Variants in TRPV1 observed in about 807,000 individuals in gnomAD.
The protein encoded by TRPV1 is transient receptor potential cation channel subfamily V member 1.
In TRPV1, 82 loss-of-function variants were observed where a neutral mutation model predicts 82.3. The ratio of observed to expected loss-of-function variants is 1.00; its 90% confidence interval spans 0.83 to 1.20. The LOEUF (loss-of-function observed/expected upper bound fraction) is 1.20, where lower values mean the gene tolerates loss of function less well. Ranked by LOEUF, TRPV1 falls within the 50% of genes most tolerant of loss-of-function variation. The probability of loss-of-function intolerance (pLI) is 0.00; values close to 1 mark genes in which losing one functional copy is unlikely to be tolerated. For synonymous variants in TRPV1, 515 were observed against 467.7 expected, an observed-to-expected ratio of 1.10 and a Z score of -1.30; for missense variants, 1,067 against 1,096.8, an observed-to-expected ratio of 0.97 and a Z score of 0.38.
At chr17:3,580,929 A>G (rs1258892890) in intron 10 of TRPV1, among the ~76,000 whole-genome samples, 1 of 151,906 alleles carries the variant, frequency 6.6e-6, no homozygotes, top group Admixed American at 6.6e-5. Context: ...TGAGGCAAGA[A>G]AATCGCTTGA....
At chr17:3,590,889 G>A in intron 5 of TRPV1, 75 bp downstream of exon 5, 1 of 1,474,424 alleles carries the variant, frequency 6.8e-7, no homozygotes, top group South Asian at 1.4e-5. Context: ...AAGCAAGGAG[G>A]CCCAGGGACA....
In TRPV1 at chr17:3,573,698, T is replaced by C; in HGVS notation, c.2038A>G (p.Ile680Val). ...TTGACAGTCTCACCCATGAGGGCGA[T>C]GAGCATGTTGAGCAGGAGGATGTAG... is the stretch of plus-strand genomic sequence containing the variant. ...LTYILLLNML[I>V]ALMGETVNKI... Residue 680 changes from isoleucine (I) to valine (V), a missense_variant, in exon 14 of 17, where the codon ATC (isoleucine) becomes GTC (valine). Ile to Val is a conservative substitution (Grantham distance 29, BLOSUM62 3). Transcript: ENST00000572705. The C allele has an allele frequency of 6.2e-7, 1 of 1,614,016 alleles. No homozygotes were observed. The highest frequency in any genetic ancestry group is 8.5e-7 in the Non-Finnish European group (1 of 1,180,002).
intron 2 of TRPV1, among the ~76,000 whole-genome samples, chr17:3,597,639 C>T (rs2075230954): frequency 6.6e-6 from 1 of 150,948 alleles, no homozygotes; most frequent in East Asian, 1.9e-4. Context: ...CCTCAGGGAA[C>T]CACAAAACAC....
intron 2 of TRPV1, among the ~76,000 whole-genome samples, chr17:3,598,974 C>G (rs965684164): frequency 6.6e-6 from 1 of 151,386 alleles, no homozygotes; most frequent in African/African-American, 2.4e-5. Flanking sequence ...CGCGGTGGCT[C>G]ATGCCTGTAA....
At position 3,583,577 on chromosome 17, in the gene TRPV1, A is replaced by G. The variant is rs2075047946; in HGVS notation, c.1384-147T>C. On this transcript the variant is annotated intron_variant, in intron 9 of 16. Transcript: ENST00000572705. ...CACAAAGACAGTGTGTTATTAGGGGAGCGCCCGCAAGGAGGCCCCTCTGTG... is the reference window on the plus strand; with the variant it reads ...CACAAAGACAGTGTGTTATTAGGGGGGCGCCCGCAAGGAGGCCCCTCTGTG... The G allele has an allele frequency of 5.8e-6, 4 of 691,082 alleles. No individual in the cohort carries two copies. The Admixed American group carries it at 1.1e-4, about 20-fold the overall frequency. 42.8% of individuals were successfully genotyped at this position (691,082 alleles called of 1,614,324 possible).
chr17:3,572,513 C>A (rs565744707), intron 14 of TRPV1, among the ~76,000 whole-genome samples: 4 of 152,106 alleles, frequency 2.6e-5, no homozygotes, highest in African/African-American at 4.8e-5. Flanking sequence ...GGGAGTGATA[C>A]GGAGGCCCCA....
At position 3,574,777 on chromosome 17, in the gene TRPV1, G is replaced by C. The variant is rs535565229; in HGVS notation, c.1781-822C>G. 3.3e-5 allele frequency among the ~76,000 whole-genome samples: 5 copies of C among 151,602 alleles called. 1 individual carries two copies. In the South Asian group the frequency reaches 6.3e-4, roughly 19 times the overall value. ...CAGCCTGGCCAACAGGGTGAAACCC[G>C]TCTCTACTAAAAATAGCCAGGTTGG... is the stretch of plus-strand genomic sequence containing the variant. On this transcript the variant is annotated intron_variant, in intron 13 of 16. Transcript: ENST00000572705.
At chr17:3,607,898 T>C (rs551829746) in intron 2 of TRPV1, among the ~76,000 whole-genome samples, 4 of 152,246 alleles carry the variant, frequency 2.6e-5, no homozygotes, top group African/African-American at 9.6e-5. Flanking sequence ...GACCATACTT[T>C]TGCAGTTTGA....
chr17:3,591,692 C>A (rs1303061408), intron 3 of TRPV1, among the ~76,000 whole-genome samples: 1 of 152,076 alleles, frequency 6.6e-6, no homozygotes, highest in Non-Finnish European at 1.5e-5. Flanking sequence ...GTAGACAGCC[C>A]CTCTAAGGGA....
In TRPV1 at chr17:3,592,306, TG is replaced by T; in HGVS notation, c.44del (p.Pro15HisfsTer146). The T allele has an allele frequency of 6.2e-7, 1 of 1,600,146 alleles. No homozygotes were observed. The highest frequency in any genetic ancestry group is 8.5e-7 in the Non-Finnish European group (1 of 1,173,238). ...SSTDLGAAAD[P>X]LQKDTCPDPL... ...GGTCTGGGCAGGTGTCCTTTTGGAG[TG>T]GGTCCGCAGCTGCCCCCAAGTCTGT... On this transcript the variant is annotated frameshift_variant, in exon 3 of 17. Transcript: ENST00000572705. LOFTEE classifies it high-confidence loss of function.
At position 3,573,685 on chromosome 17, in the gene TRPV1, C is replaced by G. The variant is rs759094783; in HGVS notation, c.2051G>C (p.Gly684Ala). The change falls in exon 14 of 17, where the codon GGT becomes GCT. Residue 684 changes from glycine (G) to alanine (A), a missense_variant. Physicochemically the swap from Gly to Ala is moderately conservative, Grantham distance 60. Coordinates refer to ENST00000572705, the MANE Select transcript of TRPV1 (RefSeq NM_080704.4). ...CTGTGCGATCTTGTTGACAGTCTCA[C>G]CCATGAGGGCGATGAGCATGTTGAG... ...LLLNMLIALMGETVNKIAQES... is the reference protein window; with the variant it reads ...LLLNMLIALMAETVNKIAQES... 1 of 1,613,900 alleles carries G rather than the reference C, an allele frequency of 6.2e-7. No individual in the cohort carries two copies. Among genetic ancestry groups the G allele is most frequent in the African/African-American group, 1.3e-5 (1 of 74,892 alleles).
At chr17:3,577,394 T>G (rs2074947557) in intron 12 of TRPV1, among the ~76,000 whole-genome samples, 1 of 152,152 alleles carries the variant, frequency 6.6e-6, no homozygotes, top group South Asian at 2.1e-4. Flanking sequence ...AGGCCTGGTG[T>G]GCAGGGGGGG....
rs994486100 is a variant in TRPV1, at chr17:3,568,118, C to T, written c.2348-1131G>A. On this transcript the variant is annotated intron_variant, in intron 16 of 16. Transcript: ENST00000572705. ...CGGGCGGATCACGAGGTCAGGAGAT[C>T]GAGACCATCCTGGCTAACATGGTGA... Among the ~76,000 whole-genome samples, 6 of 152,144 alleles carry T rather than the reference C, an allele frequency of 3.9e-5. No homozygotes were observed. The South Asian group carries it at 6.2e-4, about 16-fold the overall frequency.
chr17:3,603,920 A>G (rs1324271260), intron 2 of TRPV1, among the ~76,000 whole-genome samples: 7 of 152,158 alleles, frequency 4.6e-5, no homozygotes, highest in Admixed American at 1.3e-4. Context: ...CAGTAGGGTC[A>G]ACAGGGTGGT....
At chr17:3,588,450 C>T in intron 7 of TRPV1, 83 bp from the exon 8 acceptor site, 3 of 1,462,404 alleles carry the variant, frequency 2.1e-6, no homozygotes, top group Non-Finnish European at 2.8e-6. Flanking sequence ...CTCTGCTTCC[C>T]AGCCCAGCTG....
intron 2 of TRPV1, among the ~76,000 whole-genome samples, chr17:3,598,343 T>C (rs980031877): frequency 1.3e-5 from 2 of 152,116 alleles, no homozygotes; most frequent in Non-Finnish European, 2.9e-5. Context: ...GCACAGCAGT[T>C]GACAAAGAGC....
At chr17:3,587,356 C>G (rs2075097634) in intron 8 of TRPV1, among the ~76,000 whole-genome samples, 1 of 152,184 alleles carries the variant, frequency 6.6e-6, no homozygotes, top group Non-Finnish European at 1.5e-5. Context: ...GGCACAGACT[C>G]TAGCCCCCAA....
intron 12 of TRPV1, 46 bp downstream of exon 12, chr17:3,577,552 A>G: frequency 6.5e-7 from 1 of 1,548,266 alleles, no homozygotes; most frequent in Non-Finnish European, 8.7e-7. Flanking sequence ...CATGACCACG[A>G]GGTAAGCGGG....
At chr17:3,598,837 G>A (rs1290466232) in intron 2 of TRPV1, among the ~76,000 whole-genome samples, 1 of 150,608 alleles carries the variant, frequency 6.6e-6, no homozygotes, top group Non-Finnish European at 1.5e-5. Flanking sequence ...AAAGTGCTGG[G>A]ATCATAGGCG....
Sources: gnomAD v4.1 joint callset for allele counts (sites outside exome capture counted in the v4.1 genomes callset) on GRCh38, gnomAD v4.1.1 for gene constraint, MANE v1.5 for transcripts, NCBI Gene and HGNC (gene_info 2026-07-23, HGNC 2026-07-21) for gene names.